ANKRD6: variants seen among roughly 807,000 people sequenced by gnomAD.
ANKRD6 encodes the protein ankyrin repeat domain 6.
A neutral mutation model predicts 82.3 loss-of-function variants in ANKRD6; 56 were observed. The ratio of observed to expected loss-of-function variants is 0.68; its 90% CI spans 0.55 to 0.85. ANKRD6 has a LOEUF of 0.85. ANKRD6 is among the 40% of genes least tolerant of loss of function. The pLI is 0.00. For synonymous variants in ANKRD6, 347 were observed against 352.1 expected (o/e 0.99, Z 0.16); for missense variants, 852 against 907.6 (o/e 0.94, Z 0.79).
intron 1 of ANKRD6, among the ~76,000 whole-genome samples, chr6:89,542,489 G>T (rs1226607476): frequency 6.6e-6 from 1 of 152,018 alleles, no homozygotes; most frequent in Non-Finnish European, 1.5e-5. Flanking sequence ...ACTTCATCTT[G>T]TCAACTCTTT....
At chr6:89,620,960 T>G (rs1803033163) in intron 9 of ANKRD6, among the ~76,000 whole-genome samples, 2 of 151,802 alleles carry the variant, frequency 1.3e-5, no homozygotes, top group Admixed American at 6.6e-5. Flanking sequence ...TCCCAGTTAC[T>G]CGGGAAGCTG....
chr6:89,476,280 G>GGA (rs1776024857), intron 1 of ANKRD6, among the ~76,000 whole-genome samples: 1 of 151,974 alleles, frequency 6.6e-6, no homozygotes, highest in Admixed American at 6.6e-5. Context: ...CCGCCTCCTG[G>GGA]GTTCAAGCAA....
At chr6:89,457,362 G>A (rs1352050022) in intron 1 of ANKRD6, among the ~76,000 whole-genome samples, 1 of 152,182 alleles carries the variant, frequency 6.6e-6, no homozygotes, top group Non-Finnish European at 1.5e-5. Context: ...CCATAAATTG[G>A]AGTGGTAAAA....
intron 1 of ANKRD6, among the ~76,000 whole-genome samples, chr6:89,513,519 G>A (rs1455971445): frequency 6.6e-6 from 1 of 152,144 alleles, no homozygotes; most frequent in Admixed American, 6.5e-5. Flanking sequence ...ATATTTGCAA[G>A]ATTTATCCAC....
chr6:89,537,446 A>G (rs76016913), intron 1 of ANKRD6, among the ~76,000 whole-genome samples: 2 of 152,216 alleles, frequency 1.3e-5, no homozygotes, highest in Non-Finnish European at 2.9e-5. Flanking sequence ...ACCCAAATCC[A>G]TGTTCAATTC....
chr6:89,499,185 A>G (rs1778986301), intron 1 of ANKRD6, among the ~76,000 whole-genome samples: 2 of 152,220 alleles, frequency 1.3e-5, no homozygotes, highest in African/African-American at 4.8e-5. Context: ...TTTTGAAAAC[A>G]TGAGGTGACA....
At chr6:89,461,544 G>C (rs1307922384) in intron 1 of ANKRD6, among the ~76,000 whole-genome samples, 2 of 152,128 alleles carry the variant, frequency 1.3e-5, no homozygotes, top group African/African-American at 4.8e-5. Context: ...TAATAATTTA[G>C]AATTCAGTTT....
intron 1 of ANKRD6, among the ~76,000 whole-genome samples, chr6:89,509,817 G>A (rs1780319572): frequency 6.6e-6 from 1 of 152,180 alleles, no homozygotes. Flanking sequence ...CTTCTCCCAA[G>A]TAATGTGGTG....
Position 89,631,703 on chromosome 6 carries a change from T to G in ANKRD6, c.*699T>G, listed in dbSNP as rs551741606. 1.3e-5 allele frequency: 2 copies of G among 152,374 alleles called. No homozygotes were observed. Among genetic ancestry groups the G allele is most frequent in the African/African-American group, 4.8e-5 (2 of 41,590 alleles). The allele number at this position is 152,374 out of a possible 1,614,324, so 9.4% of individuals were successfully genotyped here. ...GAAAGATTCAAATTGTTTGTTATTT[T>G]CTGTATTTTCAGTCAAAAAATCAGT... On this transcript the variant is annotated 3_prime_UTR_variant, in exon 16 of 16. Coordinates refer to ENST00000339746, the MANE Select transcript of ANKRD6 (RefSeq NM_001242809.2).
chr6:89,483,906 GTC>G (rs147189689), intron 1 of ANKRD6, among the ~76,000 whole-genome samples: 33 of 150,008 alleles, frequency 2.2e-4, no homozygotes, highest in Non-Finnish European at 3.9e-4. Context: ...CTCTCTCTCT[GTC>G]TCTCTCTCTC....
At chr6:89,616,120 C>T (rs182586890) in intron 7 of ANKRD6, among the ~76,000 whole-genome samples, 2 of 152,328 alleles carry the variant, frequency 1.3e-5, no homozygotes, top group African/African-American at 2.4e-5. Context: ...GCCATCTTCA[C>T]GGCTTCTCCT....
Position 89,462,346 on chromosome 6 carries a change from G to A in ANKRD6, c.-144+28971G>A, listed in dbSNP as rs190154395. Among the ~76,000 whole-genome samples the A allele has an allele frequency of 2.9e-3, 440 of 151,896 alleles. 2 individuals are homozygous for A. Among genetic ancestry groups the A allele is most frequent in the Non-Finnish European group, 3.8e-3 (258 of 67,958 alleles). On this transcript the variant is annotated intron_variant, in intron 1 of 15. Transcript: ENST00000339746. ...GTTAAACTGTTTTTACAGAGTCAAG[G>A]TTATTGAAATTTATTTGTAGCAGAG...
intron 1 of ANKRD6, among the ~76,000 whole-genome samples, chr6:89,521,455 A>G (rs1781880963): frequency 6.6e-6 from 1 of 152,238 alleles, no homozygotes; most frequent in South Asian, 2.1e-4. Flanking sequence ...TGAAGGGGCC[A>G]GCTGGCCCCC....
At chr6:89,591,750 AG>A in intron 2 of ANKRD6, among the ~76,000 whole-genome samples, 1 of 152,280 alleles carries the variant, frequency 6.6e-6, no homozygotes, top group South Asian at 2.1e-4. Context: ...TGTGTTTAAG[AG>A]GGTGGGCCTT....
chr6:89,477,500 G>A (rs1367514116), intron 1 of ANKRD6, among the ~76,000 whole-genome samples: 1 of 151,574 alleles, frequency 6.6e-6, no homozygotes, highest in Non-Finnish European at 1.5e-5. Context: ...GGCTGGGCAC[G>A]GTGGCTCATA....
intron 7 of ANKRD6, chr6:89,616,346 C>T (rs1378178829): frequency 2.5e-5 from 14 of 567,468 alleles, no homozygotes; most frequent in African/African-American, 1.5e-4. Context: ...CAGGTATCCT[C>T]ACTCAGAAAG....
At chr6:89,474,043 A>G (rs775743816) in intron 1 of ANKRD6, among the ~76,000 whole-genome samples, 5 of 152,192 alleles carry the variant, frequency 3.3e-5, no homozygotes, top group Admixed American at 6.6e-5. Context: ...AACAGGTGGC[A>G]GTGTTTATGT....
At chr6:89,559,296 T>A (rs996282876) in intron 1 of ANKRD6, among the ~76,000 whole-genome samples, 1 of 152,186 alleles carries the variant, frequency 6.6e-6, no homozygotes, top group African/African-American at 2.4e-5. Flanking sequence ...GCTCTTGCTG[T>A]TTCCTCTGCC....
chr6:89,545,539 A>G (rs114164095), intron 1 of ANKRD6, among the ~76,000 whole-genome samples: 1,881 of 152,274 alleles, frequency 0.012, 38 homozygotes, highest in African/African-American at 0.043. Context: ...AGCCTTCTCT[A>G]TGAGACTTTA....
Sources: gnomAD v4.1 joint callset for allele counts (sites outside exome capture counted in the v4.1 genomes callset) on GRCh38, gnomAD v4.1.1 for gene constraint, MANE v1.5 for transcripts, NCBI Gene and HGNC (gene_info 2026-07-23, HGNC 2026-07-21) for gene names.